MXI1: variants seen among roughly 807,000 people sequenced by gnomAD.
The protein encoded by MXI1 is MAX interactor 1, dimerization protein.
Under a neutral mutation model 36.9 loss-of-function variants are expected in MXI1, and 18 were observed. That is an observed-to-expected ratio of 0.49 (90% confidence interval 0.34 to 0.72). MXI1 has a LOEUF of 0.72. Ranked by LOEUF, MXI1 falls within the 30% of genes least tolerant of loss-of-function variation. The pLI is 0.01. For missense variants in MXI1, 304 were observed against 379.1 expected (o/e 0.80, Z 1.64); for synonymous variants, 160 against 146.7 (o/e 1.09, Z -0.65).
At chr10:110,279,385 A>G in intron 4 of MXI1, 91 bp downstream of exon 4, 2 of 1,049,482 alleles carry the variant, frequency 1.9e-6, no homozygotes, top group Non-Finnish European at 2.9e-6. Context: ...CAGCTAGTTC[A>G]CCATGCCCTC....
chr10:110,275,741 A>G (rs1413645818), intron 3 of MXI1, among the ~76,000 whole-genome samples: 1 of 152,216 alleles, frequency 6.6e-6, no homozygotes, highest in Non-Finnish European at 1.5e-5. Context: ...AAACTTAAGG[A>G]AATGACATGT....
chr10:110,235,069 T>TA (rs1205018943), intron 2 of MXI1, among the ~76,000 whole-genome samples: 1 of 152,234 alleles, frequency 6.6e-6, no homozygotes, highest in Non-Finnish European at 1.5e-5. Flanking sequence ...TTCTGCTTCT[T>TA]AGAGACTACC....
At chr10:110,220,920 C>A (rs1274245166) in intron 1 of MXI1, among the ~76,000 whole-genome samples, 1 of 152,140 alleles carries the variant, frequency 6.6e-6, no homozygotes, top group Non-Finnish European at 1.5e-5. Context: ...ATTACAGGCA[C>A]AAATTAAAGA....
At chr10:110,248,033 A>G (rs1855937103) in intron 3 of MXI1, among the ~76,000 whole-genome samples, 1 of 152,202 alleles carries the variant, frequency 6.6e-6, no homozygotes, top group African/African-American at 2.4e-5. Context: ...TGATGAGTTC[A>G]TGTCCTTTGT....
At chr10:110,276,840 TTTC>T (rs1379782225) in intron 3 of MXI1, among the ~76,000 whole-genome samples, 1 of 151,632 alleles carries the variant, frequency 6.6e-6, no homozygotes, top group Non-Finnish European at 1.5e-5. Context: ...TTTCTTTTCT[TTTC>T]TTTTTTTTTT....
chr10:110,244,723 T>C (rs113816392), intron 2 of MXI1, 105 bp from the exon 3 acceptor site: 56,200 of 849,614 alleles, frequency 0.066, 2,483 homozygotes, highest in Middle Eastern at 0.15. Context: ...ATGTGTTGCA[T>C]TGTTAAATAA....
At chr10:110,228,845 G>C (rs1855158184) in intron 2 of MXI1, among the ~76,000 whole-genome samples, 1 of 152,112 alleles carries the variant, frequency 6.6e-6, no homozygotes, top group Non-Finnish European at 1.5e-5. Context: ...GGATTGGTTG[G>C]TGGGCTCTTA....
intron 3 of MXI1, among the ~76,000 whole-genome samples, chr10:110,246,550 A>T (rs1377560034): frequency 6.6e-6 from 1 of 152,192 alleles, no homozygotes; most frequent in Admixed American, 6.5e-5. Flanking sequence ...TACTTTGCAC[A>T]GTGCTGTGTT....
intron 1 of MXI1, among the ~76,000 whole-genome samples, chr10:110,213,689 G>C (rs560452268): frequency 1.8e-4 from 27 of 152,272 alleles, no homozygotes; most frequent in African/African-American, 6.3e-4. Context: ...GCCATTCCTG[G>C]TTTGGGAGCA....
At chr10:110,269,695 A>C (rs922595893) in intron 3 of MXI1, among the ~76,000 whole-genome samples, 1 of 152,334 alleles carries the variant, frequency 6.6e-6, no homozygotes, top group Non-Finnish European at 1.5e-5. Context: ...GCCAGCACGT[A>C]GGAAGTTTGT....
At chr10:110,210,138 C>A (rs1341110952) in intron 1 of MXI1, 3 of 500,792 alleles carry the variant, frequency 6.0e-6, no homozygotes, top group Non-Finnish European at 7.7e-6. Flanking sequence ...GAGAGCCGGG[C>A]GCGCCGGGCT....
intron 1 of MXI1, among the ~76,000 whole-genome samples, chr10:110,208,752 CCA>C (rs1854428996): frequency 6.7e-6 from 1 of 149,224 alleles, no homozygotes; most frequent in Non-Finnish European, 1.5e-5. Flanking sequence ...CCCCCCCCCC[CCA>C]AAGAAGGAGG....
intron 3 of MXI1, among the ~76,000 whole-genome samples, chr10:110,272,980 T>C (rs1373627358): frequency 5.3e-5 from 8 of 151,770 alleles, no homozygotes; most frequent in Non-Finnish European, 8.8e-5. Flanking sequence ...GTAGATAATA[T>C]ATGAGTTGTA....
chr10:110,279,600 C>T (rs931432317), intron 4 of MXI1, among the ~76,000 whole-genome samples: 3 of 152,152 alleles, frequency 2.0e-5, no homozygotes, highest in East Asian at 3.9e-4. Flanking sequence ...TGTGTCCTTC[C>T]GTATTTTTCC....
chr10:110,237,135 C>A (rs1855503139), intron 2 of MXI1, among the ~76,000 whole-genome samples: 1 of 150,506 alleles, frequency 6.6e-6, no homozygotes, highest in South Asian at 2.1e-4. Flanking sequence ...TCTAAATAGA[C>A]AGTAATGTTG....
intron 2 of MXI1, 63 bp from the exon 3 acceptor site, chr10:110,244,765 C>A: frequency 7.1e-7 from 1 of 1,417,450 alleles, no homozygotes; most frequent in Non-Finnish European, 9.7e-7. Flanking sequence ...AGTAACTAAT[C>A]TGTCTTTCTA....
intron 2 of MXI1, among the ~76,000 whole-genome samples, chr10:110,243,267 C>G (rs143924771): frequency 6.6e-6 from 1 of 152,158 alleles, no homozygotes; most frequent in East Asian, 1.9e-4. Context: ...CATCATAAGA[C>G]TCTATTTACT....
At chr10:110,280,645 G>C (rs2795913) in intron 5 of MXI1, among the ~76,000 whole-genome samples, 1 of 150,232 alleles carries the variant, frequency 6.7e-6, no homozygotes, top group Non-Finnish European at 1.5e-5. Context: ...ATGCCACTGC[G>C]CTCCAGCCTG....
intron 3 of MXI1, among the ~76,000 whole-genome samples, chr10:110,254,648 G>T (rs1856220692): frequency 6.6e-6 from 1 of 152,150 alleles, no homozygotes; most frequent in South Asian, 2.1e-4. Flanking sequence ...TGCTACTCTG[G>T]TGAACATCCA....
Sources: allele counts gnomAD v4.1 joint callset (sites outside exome capture counted in the v4.1 genomes callset), GRCh38; gene constraint gnomAD v4.1.1; transcripts MANE v1.5; gene names NCBI Gene and HGNC (gene_info 2026-07-23, HGNC 2026-07-21).